Variants in REV3L observed in about 807,000 individuals in gnomAD.
REV3L encodes the protein REV3 like, DNA directed polymerase zeta catalytic subunit.
Under a neutral mutation model 299.4 loss-of-function variants are expected in REV3L, and 69 were observed. The observed-to-expected ratio is 0.23, with a 90% CI of 0.19 to 0.28. REV3L has a LOEUF of 0.28. Among genes scored for constraint, REV3L ranks in the 10% least tolerant of loss-of-function variants. The pLI is 1.00. For missense variants in REV3L, 3,128 were observed against 3,693.8 expected, an observed-to-expected ratio of 0.85 and a Z score of 3.97; for synonymous variants, 1,238 against 1,271.4, an observed-to-expected ratio of 0.97 and a Z score of 0.56.
chr6:111,419,122 C>T (rs1395762131), intron 1 of REV3L, among the ~76,000 whole-genome samples: 1 of 152,158 alleles, frequency 6.6e-6, no homozygotes, highest in East Asian at 1.9e-4. Flanking sequence ...AATCTGTAGT[C>T]ACTCTATCAA....
chr6:111,306,108 T>G (rs1195872606), intron 31 of REV3L, among the ~76,000 whole-genome samples: 4 of 152,218 alleles, frequency 2.6e-5, no homozygotes, highest in African/African-American at 9.6e-5. Flanking sequence ...CTGTCCTCAC[T>G]GGTTCATTTG....
At chr6:111,430,752 A>T in intron 1 of REV3L, 1 of 1,579,206 alleles carries the variant, frequency 6.3e-7, no homozygotes, top group Non-Finnish European at 8.7e-7. Flanking sequence ...AAAAGCAATA[A>T]TTTAGAGAGA....
intron 21 of REV3L, among the ~76,000 whole-genome samples, chr6:111,341,551 A>G (rs1212412156): frequency 6.6e-6 from 1 of 152,214 alleles, no homozygotes; most frequent in Non-Finnish European, 1.5e-5. Context: ...ACAATTCAGT[A>G]AGTACAGATT....
At chr6:111,465,603 C>T (rs193028467) in intron 1 of REV3L, among the ~76,000 whole-genome samples, 181 of 151,296 alleles carry the variant, frequency 1.2e-3, no homozygotes, top group African/African-American at 4.2e-3. Context: ...CATGGTGGTA[C>T]GCGCCTGTAA....
intron 1 of REV3L, among the ~76,000 whole-genome samples, chr6:111,468,392 T>C (rs952633458): frequency 6.6e-5 from 10 of 152,160 alleles, no homozygotes; most frequent in African/African-American, 2.4e-4. Flanking sequence ...CAGATGGAGA[T>C]GAACTTTACT....
chr6:111,350,222 T>TA (rs1777449996), intron 19 of REV3L, among the ~76,000 whole-genome samples: 1 of 152,168 alleles, frequency 6.6e-6, no homozygotes, highest in Admixed American at 6.5e-5. Context: ...CCCAAGATCT[T>TA]ACAGTAAGAA....
intron 3 of REV3L, among the ~76,000 whole-genome samples, chr6:111,409,692 A>C (rs549090706): frequency 6.6e-6 from 1 of 152,308 alleles, no homozygotes; most frequent in African/African-American, 2.4e-5. Flanking sequence ...ATTAACTAGA[A>C]AAAAGTAGAC....
At chr6:111,478,916 T>C (rs2128344766) in intron 1 of REV3L, among the ~76,000 whole-genome samples, 2 of 152,310 alleles carry the variant, frequency 1.3e-5, no homozygotes, top group African/African-American at 4.8e-5. Context: ...AATTCCTTGC[T>C]TTGTGGACAT....
intron 21 of REV3L, among the ~76,000 whole-genome samples, chr6:111,341,442 T>C (rs370041734): frequency 5.4e-4 from 83 of 152,320 alleles, no homozygotes; most frequent in African/African-American, 1.4e-3. Context: ...TCAAAAGTGA[T>C]TGGAATATGC....
chr6:111,363,257 T>C (rs1028885463), intron 16 of REV3L, among the ~76,000 whole-genome samples: 1 of 152,090 alleles, frequency 6.6e-6, no homozygotes, highest in African/African-American at 2.4e-5. Flanking sequence ...AGATGTGACA[T>C]AACATCTTAA....
rs369932589 is a variant in REV3L, at chr6:111,299,078, A to C, written c.*938T>G. The C allele has an allele frequency of 1.3e-4, 20 of 152,612 alleles. No individual in the cohort carries two copies. The South Asian group carries it at 3.7e-3, about 28-fold the overall frequency. 9.5% of individuals were successfully genotyped at this position (152,612 alleles called of 1,614,324 possible). ...AATTTTAATATGGTTTCCATTATTAACTTTTAAAACAAAATGATTTCCAGT... is the reference window on the plus strand; with the variant it reads ...AATTTTAATATGGTTTCCATTATTACCTTTTAAAACAAAATGATTTCCAGT... On this transcript the variant is annotated 3_prime_UTR_variant, in exon 32 of 32. Coordinates refer to ENST00000368802, the MANE Select transcript of REV3L (RefSeq NM_001372078.1).
At chr6:111,414,689 C>T (rs925808044) in intron 2 of REV3L, among the ~76,000 whole-genome samples, 1 of 152,122 alleles carries the variant, frequency 6.6e-6, no homozygotes, top group Non-Finnish European at 1.5e-5. Flanking sequence ...TGTATGAGCT[C>T]CAGATCTTTC....
chr6:111,336,053 T>C (rs1169885754), intron 21 of REV3L, among the ~76,000 whole-genome samples: 1 of 134,086 alleles, frequency 7.5e-6, no homozygotes, highest in African/African-American at 2.4e-5. Flanking sequence ...ACATGCACTA[T>C]GTTCATGGCA....
At chr6:111,361,419 C>CAAAAAA (rs71021837) in intron 16 of REV3L, 1 of 86,630 alleles carries the variant, frequency 1.2e-5, no homozygotes, top group African/African-American at 4.8e-5. Context: ...CACACACACA[C>CAAAAAA]AAAAAAAAAA....
chr6:111,474,257 T>C (rs901936309), intron 1 of REV3L, among the ~76,000 whole-genome samples: 1 of 152,246 alleles, frequency 6.6e-6, no homozygotes, highest in Non-Finnish European at 1.5e-5. Flanking sequence ...TTGCAGAGCA[T>C]ATCAAACGCA....
chr6:111,327,202 AAATACATT>A (rs1774919800), intron 25 of REV3L, among the ~76,000 whole-genome samples: 1 of 152,220 alleles, frequency 6.6e-6, no homozygotes, highest in South Asian at 2.1e-4. Context: ...ATTATTACTA[AAATACATT>A]AATAAACACT....
Position 111,322,471 on chromosome 6 carries a change from ACT to A in REV3L, c.8351+96_8351+97del, listed in dbSNP as rs1774290231. ...AAGGACTGGAAAGGACTCAGACAGA[ACT>A]CTGTTTTTAGAAAAGATTCCCTTAA... is the stretch of plus-strand genomic sequence containing the variant. On this transcript the variant is annotated intron_variant, in intron 26 of 31. Transcript: ENST00000368802. The A allele has an allele frequency of 4.7e-6, 4 of 855,122 alleles. No individual in the cohort carries two copies. The African/African-American group carries it at 6.7e-5, about 14-fold the overall frequency. The allele number at this position is 855,122 out of a possible 1,614,324, so 53.0% of individuals were successfully genotyped here. A position where few individuals can be genotyped will look rare whatever the true frequency, so the allele number is the denominator to read the frequency against.
In REV3L at chr6:111,372,945, T is replaced by C. The variant is rs1779951907; in HGVS notation, c.5410A>G (p.Arg1804Gly). ...NNSDWIQGHT[R>G]KEMGQSLDSA... Reference sequence around the variant, plus strand: ...TCAAGAGACTGTCCCATTTCTTTTCTGGTGTGACCTTGAATCCAGTCTGAA... The same window carrying C: ...TCAAGAGACTGTCCCATTTCTTTTCCGGTGTGACCTTGAATCCAGTCTGAA... The change falls in exon 13 of 32, where the codon AGA becomes GGA. Residue 1804 changes from arginine (R) to glycine (G), a missense_variant. Around this residue, in one of 9 missense-constraint regions of REV3L, gnomAD observed 2,409 missense variants for 2,611.8 expected, o/e 0.92. Transcript: ENST00000368802. The C allele has an allele frequency of 6.2e-6, 10 of 1,614,144 alleles. No individual in the cohort carries two copies. The East Asian group carries it at 2.2e-4, about 36-fold the overall frequency.
chr6:111,393,269 G>A (rs549059039), intron 4 of REV3L, among the ~76,000 whole-genome samples: 4 of 152,030 alleles, frequency 2.6e-5, no homozygotes, highest in South Asian at 2.1e-4. Flanking sequence ...CGCCTGCCTC[G>A]GCCTCCCAAA....
Sources: allele counts gnomAD v4.1 joint callset (sites outside exome capture counted in the v4.1 genomes callset), GRCh38; gene constraint gnomAD v4.1.1; regional missense constraint gnomAD v4.1.1; transcripts MANE v1.5; gene names NCBI Gene and HGNC (gene_info 2026-07-23, HGNC 2026-07-21).